Variants in NOL4 observed in about 807,000 individuals in gnomAD.
NOL4 encodes the protein cancer/testis antigen 125.
NOL4 carries 17 observed loss-of-function variants against 75.9 expected under a neutral mutation model. The observed-to-expected ratio is 0.22, with a 90% CI of 0.15 to 0.34. NOL4 has a LOEUF of 0.34. Among genes scored for constraint, NOL4 ranks in the 10% least tolerant of loss-of-function variants. The probability of loss-of-function intolerance (pLI) is 1.00; values close to 1 mark genes in which losing one functional copy is unlikely to be tolerated. For missense variants in NOL4, 614 were observed against 793.5 expected (o/e 0.77, Z 2.72); for synonymous variants, 292 against 289.9 (o/e 1.01, Z -0.07).
At chr18:34,160,605 A>G (rs1373374838) in intron 1 of NOL4, among the ~76,000 whole-genome samples, 2 of 152,192 alleles carry the variant, frequency 1.3e-5, no homozygotes, top group Non-Finnish European at 2.9e-5. Flanking sequence ...ATTTTGTTGA[A>G]GAAAGTTTTA....
At chr18:33,926,607 T>C (rs2067346465) in intron 9 of NOL4, among the ~76,000 whole-genome samples, 1 of 152,160 alleles carries the variant, frequency 6.6e-6, no homozygotes, top group Admixed American at 6.5e-5. Context: ...TTTGTTTGTT[T>C]GTTTGTTTGT....
intron 9 of NOL4, among the ~76,000 whole-genome samples, chr18:33,934,774 ATCT>A (rs1455231634): frequency 6.6e-6 from 1 of 151,508 alleles, no homozygotes; most frequent in South Asian, 2.1e-4. Flanking sequence ...GGCTGGTTTG[ATCT>A]TCTATAAGAC....
intron 8 of NOL4, among the ~76,000 whole-genome samples, chr18:33,949,017 C>T (rs549139548): frequency 6.6e-6 from 1 of 151,906 alleles, no homozygotes; most frequent in South Asian, 2.1e-4. Context: ...TAAATGAATA[C>T]CTAAGGTTTT....
intron 6 of NOL4, among the ~76,000 whole-genome samples, chr18:33,967,989 G>A (rs2145841797): frequency 6.6e-6 from 1 of 152,244 alleles, no homozygotes; most frequent in Non-Finnish European, 1.5e-5. Context: ...GGGGGGCTGA[G>A]GCAGAAGAAT....
chr18:34,102,451 T>G (rs986337670), intron 4 of NOL4, among the ~76,000 whole-genome samples: 5 of 152,082 alleles, frequency 3.3e-5, no homozygotes, highest in Non-Finnish European at 5.9e-5. Context: ...AACACAATTT[T>G]CTAAAAATTT....
At chr18:34,069,361 T>C (rs2077413830) in intron 5 of NOL4, among the ~76,000 whole-genome samples, 1 of 152,082 alleles carries the variant, frequency 6.6e-6, no homozygotes. Flanking sequence ...AGAAAAAAGA[T>C]TGTAAAATCA....
chr18:34,102,320 G>T (rs148880295), intron 4 of NOL4, among the ~76,000 whole-genome samples: 1,984 of 152,054 alleles, frequency 0.013, 47 homozygotes, highest in African/African-American at 0.045. Flanking sequence ...ATAAATATTG[G>T]TTGAACTTAT....
chr18:34,124,359 T>G (rs1233717788), intron 2 of NOL4, among the ~76,000 whole-genome samples: 2 of 152,220 alleles, frequency 1.3e-5, no homozygotes, highest in African/African-American at 4.8e-5. Context: ...GAGTGAATTG[T>G]GCCTAGAGAG....
At chr18:34,063,886 A>G (rs2077162640) in intron 5 of NOL4, among the ~76,000 whole-genome samples, 1 of 152,052 alleles carries the variant, frequency 6.6e-6, no homozygotes, top group Non-Finnish European at 1.5e-5. Flanking sequence ...TATATTGCTT[A>G]AAAGAACACA....
intron 5 of NOL4, among the ~76,000 whole-genome samples, chr18:34,042,967 T>C (rs372452398): frequency 6.6e-6 from 1 of 152,122 alleles, no homozygotes; most frequent in East Asian, 1.9e-4. Context: ...GGTTTGGACG[T>C]AATCTCTCTG....
chr18:34,181,464 A>G (rs2034026135), intron 1 of NOL4, among the ~76,000 whole-genome samples: 1 of 151,618 alleles, frequency 6.6e-6, no homozygotes, highest in African/African-American at 2.4e-5. Context: ...AGCTATAACA[A>G]TCTTAGAAGA....
At chr18:34,131,116 C>T (rs1600683825) in intron 1 of NOL4, among the ~76,000 whole-genome samples, 1 of 150,122 alleles carries the variant, frequency 6.7e-6, no homozygotes, top group Non-Finnish European at 1.5e-5. Flanking sequence ...CTTATTTGGA[C>T]CCTGTGATAT....
intron 5 of NOL4, among the ~76,000 whole-genome samples, chr18:34,080,774 T>C (rs1020569618): frequency 6.6e-6 from 1 of 152,154 alleles, no homozygotes; most frequent in African/African-American, 2.4e-5. Flanking sequence ...TAAAGCATCA[T>C]TGTTAATGGC....
At position 33,865,728 on chromosome 18, in the gene NOL4, G is replaced by A. The variant is rs1482078691; in HGVS notation, c.1724-12693C>T. ...GAAAAGATTGATACTACAGTTTGGT[G>A]GTAACTATTTGTCTCTTCTGCAGTC... On this transcript the variant is annotated intron_variant, in intron 10 of 10. Transcript: ENST00000261592. Among the ~76,000 whole-genome samples, 3 of 151,998 alleles carry A rather than the reference G, an allele frequency of 2.0e-5. No individual in the cohort carries two copies. In the East Asian group the frequency reaches 5.8e-4, roughly 29 times the overall value.
intron 6 of NOL4, among the ~76,000 whole-genome samples, chr18:33,975,811 A>G (rs1327268090): frequency 1.3e-5 from 2 of 152,214 alleles, no homozygotes; most frequent in African/African-American, 2.4e-5. Context: ...ATTAATACAC[A>G]TGGAAATAAA....
intron 6 of NOL4, among the ~76,000 whole-genome samples, chr18:33,977,706 T>C (rs1251311097): frequency 3.9e-5 from 6 of 152,236 alleles, no homozygotes; most frequent in Non-Finnish European, 7.3e-5. Context: ...ATTTATTATG[T>C]TGACGTCATG....
chr18:34,159,899 A>T (rs2031178741), intron 1 of NOL4, among the ~76,000 whole-genome samples: 1 of 152,012 alleles, frequency 6.6e-6, no homozygotes. Flanking sequence ...CGGGAGAGGG[A>T]TGCGGGGAGG....
intron 2 of NOL4, among the ~76,000 whole-genome samples, chr18:34,124,579 C>T (rs921225692): frequency 2.0e-5 from 3 of 152,010 alleles, no homozygotes; most frequent in East Asian, 1.9e-4. Flanking sequence ...ACATACCAAA[C>T]GCTATTAGGT....
At chr18:34,177,494 T>C (rs908090450) in intron 1 of NOL4, among the ~76,000 whole-genome samples, 8 of 151,934 alleles carry the variant, frequency 5.3e-5, no homozygotes, top group African/African-American at 1.9e-4. Flanking sequence ...ATCTAGCTGA[T>C]ATGGTTTAGC....
Sources: allele counts gnomAD v4.1 joint callset (sites outside exome capture counted in the v4.1 genomes callset), GRCh38; gene constraint gnomAD v4.1.1; transcripts MANE v1.5; gene names NCBI Gene and HGNC (gene_info 2026-07-23, HGNC 2026-07-21).